Variants in SLC25A42 observed in about 807,000 individuals in gnomAD.
SLC25A42 encodes the protein mitochondrial coenzyme A transporter SLC25A42.
Under a neutral mutation model 34.7 loss-of-function variants are expected in SLC25A42, and 19 were observed. The observed-to-expected ratio is 0.55, with a 90% CI of 0.38 to 0.80. SLC25A42 has a LOEUF of 0.80. SLC25A42 is among the 30% of genes least tolerant of loss of function. SLC25A42 has a pLI of 0.00. For missense variants in SLC25A42, 364 were observed against 441.3 expected (o/e 0.82, Z 1.57); for synonymous variants, 205 against 191.2 (o/e 1.07, Z -0.59).
At chr19:19,085,357 G>C (rs1157984832) in intron 1 of SLC25A42, among the ~76,000 whole-genome samples, 1 of 151,156 alleles carries the variant, frequency 6.6e-6, no homozygotes, top group Non-Finnish European at 1.5e-5. Context: ...GGGGCAAAGG[G>C]ATCTCTGAAC....
At chr19:19,072,186 G>A (rs185690822) in intron 1 of SLC25A42, among the ~76,000 whole-genome samples, 74 of 152,296 alleles carry the variant, frequency 4.9e-4, no homozygotes, top group African/African-American at 1.7e-3. Flanking sequence ...TCATGGGGAA[G>A]CCATGTGTCA....
intron 1 of SLC25A42, among the ~76,000 whole-genome samples, chr19:19,079,475 A>C (rs1342614459): frequency 6.6e-6 from 1 of 151,938 alleles, no homozygotes; most frequent in Non-Finnish European, 1.5e-5. Context: ...CTATGGATTT[A>C]CCTGTTCTGG....
chr19:19,087,294 TG>T (rs1397370311), intron 1 of SLC25A42, among the ~76,000 whole-genome samples: 1 of 152,184 alleles, frequency 6.6e-6, no homozygotes, highest in Admixed American at 6.5e-5. Flanking sequence ...GATCTCTTTT[TG>T]GTGTGTGTTT....
intron 1 of SLC25A42, among the ~76,000 whole-genome samples, chr19:19,067,703 C>T (rs1345497066): frequency 6.6e-6 from 1 of 151,958 alleles, no homozygotes; most frequent in Non-Finnish European, 1.5e-5. Flanking sequence ...GCTAGAAGAA[C>T]CATTTAGCTG....
At position 19,107,934 on chromosome 19, in the gene SLC25A42, G is replaced by A. The variant is rs373877778; in HGVS notation, c.538G>A (p.Glu180Lys). ...TCATGTCTTCATCCGCATCTCGAGA[G>A]AAGAGGGGCTGAAGACTCTCTACCA... ...IFHVFIRISR[E>K]EGLKTLYHGF... is the part of the protein sequence containing the mutation. The change falls in exon 7 of 8, where the codon GAA becomes AAA. Residue 180 changes from glutamate (E) to lysine (K), a missense_variant. By Grantham distance (56) the Glu-to-Lys change is moderately conservative (BLOSUM62 1). Coordinates refer to ENST00000318596, the MANE Select transcript of SLC25A42 (RefSeq NM_178526.5). The A allele has an allele frequency of 1.2e-6, 2 of 1,614,178 alleles. No homozygotes were observed. Among genetic ancestry groups the A allele is most frequent in the Non-Finnish European group, 1.7e-6 (2 of 1,180,022 alleles).
intron 2 of SLC25A42, among the ~76,000 whole-genome samples, chr19:19,097,947 A>C (rs1176302532): frequency 1.4e-5 from 2 of 143,490 alleles, no homozygotes; most frequent in Non-Finnish European, 3.0e-5. Flanking sequence ...TAGGCGACAG[A>C]GTGAGACCCT....
At chr19:19,107,491 T>A (rs892443456) in intron 6 of SLC25A42, among the ~76,000 whole-genome samples, 1 of 151,954 alleles carries the variant, frequency 6.6e-6, no homozygotes, top group Non-Finnish European at 1.5e-5. Context: ...ATTAGCCAGG[T>A]CTGCTGGCAT....
intron 1 of SLC25A42, among the ~76,000 whole-genome samples, chr19:19,085,816 G>A (rs1411032994): frequency 6.6e-6 from 1 of 151,862 alleles, no homozygotes; most frequent in South Asian, 2.1e-4. Context: ...AGAGGGGAGA[G>A]AGGAGAGGAG....
intron 5 of SLC25A42, 114 bp downstream of exon 5, chr19:19,105,841 C>A (rs997763925): frequency 4.2e-6 from 4 of 949,314 alleles, no homozygotes; most frequent in Admixed American, 5.4e-5. Flanking sequence ...CCCTGCCTTC[C>A]CTCTTCCCAC....
At chr19:19,107,812 G>C (rs899658372) in intron 6 of SLC25A42, 82 bp from the exon 7 acceptor site, 2 of 1,499,370 alleles carry the variant, frequency 1.3e-6, no homozygotes, top group South Asian at 1.2e-5. Flanking sequence ...AGCCGGCTTC[G>C]GGAGGAGCCG....
At chr19:19,105,862 T>C in intron 5 of SLC25A42, 135 bp downstream of exon 5, 2 of 761,464 alleles carry the variant, frequency 2.6e-6, no homozygotes. Context: ...AACGAAACAC[T>C]GGGAGACTCC....
At chr19:19,096,015 A>T in intron 1 of SLC25A42, 76 bp from the exon 2 acceptor site, 2 of 984,346 alleles carry the variant, frequency 2.0e-6, no homozygotes, top group Non-Finnish European at 3.2e-6. Flanking sequence ...AGAAACTGGG[A>T]TAGGAAAAGG....
intron 7 of SLC25A42, among the ~76,000 whole-genome samples, 161 bp downstream of exon 7, chr19:19,108,206 T>C (rs2059844442): frequency 6.6e-6 from 1 of 152,126 alleles, no homozygotes; most frequent in Non-Finnish European, 1.5e-5. Flanking sequence ...GAAAACACAC[T>C]GTGTGCAGCC....
chr19:19,065,736 G>T (rs375856833), intron 1 of SLC25A42, among the ~76,000 whole-genome samples: 21 of 152,130 alleles, frequency 1.4e-4, no homozygotes, highest in African/African-American at 5.1e-4. Context: ...TGTGTGTGTT[G>T]TACACATATG....
intron 1 of SLC25A42, among the ~76,000 whole-genome samples, chr19:19,088,496 G>A (rs553065761): frequency 1.3e-5 from 2 of 151,324 alleles, no homozygotes; most frequent in South Asian, 4.2e-4. Flanking sequence ...GTGAGCCACC[G>A]CGCCTGGCCC....
chr19:19,075,771 C>T (rs2059652709), intron 1 of SLC25A42, among the ~76,000 whole-genome samples: 1 of 152,194 alleles, frequency 6.6e-6, no homozygotes, highest in Admixed American at 6.5e-5. Flanking sequence ...CTGCCAGATC[C>T]CCCTAGCCTG....
At chr19:19,084,234 C>A (rs1382207840) in intron 1 of SLC25A42, among the ~76,000 whole-genome samples, 1 of 152,234 alleles carries the variant, frequency 6.6e-6, no homozygotes, top group Admixed American at 6.5e-5. Flanking sequence ...CACCCAGCGT[C>A]CACCACAGGC....
At chr19:19,069,004 G>A (rs1422754358) in intron 1 of SLC25A42, among the ~76,000 whole-genome samples, 1 of 148,690 alleles carries the variant, frequency 6.7e-6, no homozygotes, top group Non-Finnish European at 1.5e-5. Flanking sequence ...TCCAGCCTGG[G>A]TGACAGTGAG....
intron 1 of SLC25A42, among the ~76,000 whole-genome samples, chr19:19,071,970 G>C (rs1233193030): frequency 1.3e-5 from 2 of 152,208 alleles, no homozygotes; most frequent in Non-Finnish European, 1.5e-5. Flanking sequence ...ATTAACCTGT[G>C]GGGGGATGCT....
Sources: allele counts gnomAD v4.1 joint callset (sites outside exome capture counted in the v4.1 genomes callset), GRCh38; gene constraint gnomAD v4.1.1; transcripts MANE v1.5; gene names NCBI Gene and HGNC (gene_info 2026-07-23, HGNC 2026-07-21).